PTK2B: variants seen among roughly 807,000 people sequenced by gnomAD.
PTK2B encodes protein tyrosine kinase 2 beta.
PTK2B carries 71 observed loss-of-function variants against 142.9 expected under a neutral mutation model. The ratio of observed to expected loss-of-function variants is 0.50; its 90% CI spans 0.41 to 0.61. The LOEUF (loss-of-function observed/expected upper bound fraction) is 0.61. PTK2B is among the 20% of genes least tolerant of loss of function. The pLI is 0.00. For missense variants in PTK2B, 1,105 were observed against 1,320.4 expected (o/e 0.84, Z 2.53); for synonymous variants, 519 against 503.4 (o/e 1.03, Z -0.42).
chr8:27,443,831 G>A (rs898375444), intron 22 of PTK2B, among the ~76,000 whole-genome samples: 9 of 152,136 alleles, frequency 5.9e-5, no homozygotes, highest in South Asian at 2.1e-4. Flanking sequence ...CTGGCTCAGC[G>A]TTCATCTCCT....
At chr8:27,352,081 A>T (rs1241100841) in intron 1 of PTK2B, among the ~76,000 whole-genome samples, 1 of 147,238 alleles carries the variant, frequency 6.8e-6, no homozygotes, top group East Asian at 1.9e-4. Flanking sequence ...TGGTTGACTC[A>T]GGGGACCCAC....
At chr8:27,350,776 A>G (rs1474333761) in intron 1 of PTK2B, among the ~76,000 whole-genome samples, 1 of 149,850 alleles carries the variant, frequency 6.7e-6, no homozygotes, top group African/African-American at 2.4e-5. Context: ...TTAGGAGTTC[A>G]AGACCACTCT....
chr8:27,421,677 A>AC (rs1358680352), intron 4 of PTK2B, among the ~76,000 whole-genome samples: 1 of 152,062 alleles, frequency 6.6e-6, no homozygotes, highest in Admixed American at 6.6e-5. Context: ...TGTAAATACC[A>AC]CCCCCCTCCT....
At chr8:27,356,914 A>G (rs910785714) in intron 1 of PTK2B, among the ~76,000 whole-genome samples, 1 of 152,164 alleles carries the variant, frequency 6.6e-6, no homozygotes, top group Non-Finnish European at 1.5e-5. Flanking sequence ...TGGTGGCACG[A>G]ATGTGTCTAA....
intron 3 of PTK2B, among the ~76,000 whole-genome samples, chr8:27,317,104 G>T (rs1018856444): frequency 2.6e-5 from 4 of 152,142 alleles, no homozygotes; most frequent in Admixed American, 2.0e-4. Context: ...ATCCTGATAT[G>T]AACCAATGTC....
At chr8:27,352,436 G>A (rs1805152756) in intron 1 of PTK2B, among the ~76,000 whole-genome samples, 1 of 152,214 alleles carries the variant, frequency 6.6e-6, no homozygotes, top group Non-Finnish European at 1.5e-5. Context: ...GCTTGTTGGA[G>A]CAAGACCACA....
chr8:27,437,140 G>T lies in PTK2B; in HGVS notation c.1360G>T (p.Val454Leu), dbSNP rs1468672554. 6.2e-7 allele frequency: 1 copy of T among 1,613,898 alleles called. No individual in the cohort carries two copies. The highest frequency in any genetic ancestry group is 8.5e-7 in the Non-Finnish European group (1 of 1,179,950). The change falls in exon 16 of 31, where the codon GTA (valine) becomes TTA (leucine). Residue 454 changes from valine (V) to leucine (L), a missense_variant. Physicochemically the swap from Val to Leu is conservative, Grantham distance 32. Transcript: ENST00000346049. ...YTNHKGEKIN[V>L]AVKTCKKDCT... Reference sequence around the variant, plus strand: ...GTTACAGAAAGGGGAGAAAATCAATGTAGCTGTCAAGACCTGCAAGAAAGA... The same window carrying T: ...GTTACAGAAAGGGGAGAAAATCAATTTAGCTGTCAAGACCTGCAAGAAAGA...
intron 1 of PTK2B, among the ~76,000 whole-genome samples, chr8:27,382,881 CT>C (rs1388031118): frequency 6.6e-6 from 1 of 152,090 alleles, no homozygotes; most frequent in African/African-American, 2.4e-5. Flanking sequence ...GGATGTATTT[CT>C]GGGTTCTCTA....
At chr8:27,311,605 G>A (rs1388123456) in exon 1 of PTK2B, 3 of 298,486 alleles carry the variant, frequency 1.0e-5, no homozygotes, top group Non-Finnish European at 1.9e-5. Context: ...ATGGGAAAAG[G>A]AGCCTCTACC....
At chr8:27,449,484 T>C (rs566071813) in intron 24 of PTK2B, among the ~76,000 whole-genome samples, 3 of 152,344 alleles carry the variant, frequency 2.0e-5, no homozygotes, top group African/African-American at 7.2e-5. Flanking sequence ...GAATTATTGC[T>C]TGCTAAAAGT....
chr8:27,314,980 T>C (rs762067427), intron 3 of PTK2B, among the ~76,000 whole-genome samples: 52 of 152,316 alleles, frequency 3.4e-4, no homozygotes, highest in Non-Finnish European at 3.8e-4. Context: ...TTAACCTTTT[T>C]GTCAGTGATT....
rs4054914 is a variant in PTK2B, at chr8:27,326,226, ATGTGTGTGTG to A, written c.-38+571_-38+580del. On this transcript the variant is annotated intron_variant, in intron 1 of 30. Coordinates refer to ENST00000346049, the MANE Select transcript of PTK2B (RefSeq NM_173176.3). The stretch of plus-strand genomic sequence containing the variant: ...CTGGGGCACAGGGGAGCTCGTGTGT[ATGTGTGTGTG>A]TGTGTGTGTGTGTGTGTGTGTGTGT... Among the ~76,000 whole-genome samples, 121 of 146,796 alleles carry A rather than the reference ATGTGTGTGTG, an allele frequency of 8.2e-4. 2 individuals are homozygous for A. In the South Asian group the frequency reaches 0.011, roughly 14 times the overall value.
At chr8:27,432,801 C>T (rs1357903430) in intron 10 of PTK2B, among the ~76,000 whole-genome samples, 1 of 151,934 alleles carries the variant, frequency 6.6e-6, no homozygotes, top group East Asian at 1.9e-4. Flanking sequence ...CTGTGCCCTG[C>T]CCCATTGCCT....
chr8:27,433,578 G>T, intron 11 of PTK2B, 26 bp downstream of exon 11: 2 of 1,592,434 alleles, frequency 1.3e-6, no homozygotes, highest in Non-Finnish European at 1.7e-6. Context: ...AGGTAAAGTG[G>T]CTGGACCACG....
intron 5 of PTK2B, among the ~76,000 whole-genome samples, chr8:27,424,965 T>G (rs892317556): frequency 3.9e-5 from 6 of 152,208 alleles, no homozygotes; most frequent in African/African-American, 1.4e-4. Context: ...CATGGAGTCA[T>G]GTGTTTCCTG....
intron 1 of PTK2B, among the ~76,000 whole-genome samples, chr8:27,379,897 T>C (rs1178496631): frequency 6.6e-6 from 1 of 152,136 alleles, no homozygotes; most frequent in Non-Finnish European, 1.5e-5. Context: ...CCCGTCACCA[T>C]GCCCAGCTAA....
chr8:27,439,501 C>T (rs781392848), intron 20 of PTK2B, 103 bp downstream of exon 20: 32 of 1,248,210 alleles, frequency 2.6e-5, no homozygotes, highest in Admixed American at 5.5e-5. Flanking sequence ...CTCCACCCTC[C>T]GTTCCCAGGG....
intron 19 of PTK2B, 24 bp downstream of exon 19, chr8:27,439,155 C>T (rs1810990719): frequency 1.2e-6 from 2 of 1,606,462 alleles, no homozygotes; most frequent in East Asian, 4.5e-5. Flanking sequence ...CCAGCCTCTG[C>T]ATTGGCCTTG....
chr8:27,421,376 C>A (rs558738843), intron 4 of PTK2B, among the ~76,000 whole-genome samples: 1 of 151,900 alleles, frequency 6.6e-6, no homozygotes, highest in Admixed American at 6.6e-5. Flanking sequence ...TGAATAATTT[C>A]TTTAATGGTG....
Sources: gnomAD v4.1 joint callset for allele counts (sites outside exome capture counted in the v4.1 genomes callset) on GRCh38, gnomAD v4.1.1 for gene constraint, MANE v1.5 for transcripts, NCBI Gene and HGNC (gene_info 2026-07-23, HGNC 2026-07-21) for gene names.